SLC60A1: variants seen among roughly 807,000 people sequenced by gnomAD.
SLC60A1 encodes the protein major facilitator superfamily domain containing 4.
At chr1:205,583,137 G>C in the SLC60A1 span, among the ~76,000 whole-genome samples, 1 of 152,126 alleles carries the variant, frequency 6.6e-6, no homozygotes, top group Admixed American at 6.6e-5. Context: ...TGGCAACCAG[G>C]GTGGTGAGAC....
At chr1:205,574,818 G>A in the SLC60A1 span, among the ~76,000 whole-genome samples, 1 of 152,206 alleles carries the variant, frequency 6.6e-6, no homozygotes, top group Admixed American at 6.5e-5. Context: ...CGCCCTGTGT[G>A]CCTAGCACCA....
the SLC60A1 span, among the ~76,000 whole-genome samples, chr1:205,594,647 C>CA: frequency 1.9e-3 from 256 of 132,832 alleles, no homozygotes; most frequent in South Asian, 7.0e-3. Context: ...GACTCTGTCT[C>CA]AAAAAAAAAA....
chr1:205,594,207 C>T, the SLC60A1 span, among the ~76,000 whole-genome samples: 1 of 152,236 alleles, frequency 6.6e-6, no homozygotes, highest in Non-Finnish European at 1.5e-5. Context: ...CACCCAGCTC[C>T]CATGGGCGAG....
chr1:205,592,007 C>T, the SLC60A1 span: 5 of 1,226,564 alleles, frequency 4.1e-6, no homozygotes, highest in South Asian at 1.5e-5. Flanking sequence ...CGGGGTGGCG[C>T]GCGGGTCACA....
the SLC60A1 span, chr1:205,599,761 C>CAG: frequency 6.4e-6 from 1 of 157,224 alleles, no homozygotes; most frequent in South Asian, 1.9e-4. Flanking sequence ...TAAGAATAGT[C>CAG]TCCCTTCTAG....
the SLC60A1 span, chr1:205,599,302 CGGGGAGCG>C: frequency 6.2e-7 from 1 of 1,604,794 alleles, no homozygotes; most frequent in Non-Finnish European, 8.5e-7. Context: ...GAGCCGGGGT[CGGGGAGCG>C]GGGGAGCAGG....
chr1:205,595,751 C>T, the SLC60A1 span, among the ~76,000 whole-genome samples: 162 of 152,334 alleles, frequency 1.1e-3, 1 homozygote, highest in Non-Finnish European at 2.0e-3. Flanking sequence ...AAGCTTTTGA[C>T]TTAGCATCAA....
chr1:205,592,058 G>A, the SLC60A1 span: 1 of 1,570,308 alleles, frequency 6.4e-7, no homozygotes, highest in East Asian at 2.3e-5. Flanking sequence ...GCCAAGCCAG[G>A]AGACGCCGAC....
the SLC60A1 span, among the ~76,000 whole-genome samples, chr1:205,588,107 C>T: frequency 1.3e-5 from 2 of 152,086 alleles, no homozygotes; most frequent in African/African-American, 4.8e-5. Context: ...CCAGCAAGCT[C>T]AGGAAAACAC....
chr1:205,594,498 G>A, the SLC60A1 span, among the ~76,000 whole-genome samples: 7 of 152,096 alleles, frequency 4.6e-5, 1 homozygote, highest in East Asian at 1.4e-3. Context: ...TCTACTAAAA[G>A]TACAAAAATT....
chr1:205,597,494 C>T, the SLC60A1 span: 8,852 of 241,312 alleles, frequency 0.037, 301 homozygotes, highest in African/African-American at 0.1. Flanking sequence ...GCTCGAGGGA[C>T]CCTCCTACCT....
At chr1:205,597,910 G>A in the SLC60A1 span, 1 of 1,535,000 alleles carries the variant, frequency 6.5e-7, no homozygotes, top group South Asian at 1.1e-5. Flanking sequence ...TGACAGGTGA[G>A]AAGATGCAGA....
chr1:205,595,358 C>T, the SLC60A1 span, among the ~76,000 whole-genome samples: 1 of 152,188 alleles, frequency 6.6e-6, no homozygotes, highest in Non-Finnish European at 1.5e-5. Flanking sequence ...CATCTCGCCC[C>T]TTTATCTTCC....
chr1:205,592,551 T>C, the SLC60A1 span, among the ~76,000 whole-genome samples: 14 of 147,952 alleles, frequency 9.5e-5, no homozygotes, highest in South Asian at 2.5e-3. Context: ...ACCCCACAAC[T>C]GTCCCAGGTG....
chr1:205,586,283 C>A, the SLC60A1 span: 1 of 1,540,304 alleles, frequency 6.5e-7, no homozygotes, highest in Non-Finnish European at 8.9e-7. Context: ...TACCCCAGGA[C>A]GTTTGCCCAG....
the SLC60A1 span, among the ~76,000 whole-genome samples, chr1:205,595,921 T>C: frequency 3.3e-5 from 5 of 151,940 alleles, no homozygotes; most frequent in Non-Finnish European, 7.4e-5. Flanking sequence ...GAGGGGGCAG[T>C]GTTGATTTAA....
chr1:205,584,349 G>A, the SLC60A1 span, among the ~76,000 whole-genome samples: 1 of 150,544 alleles, frequency 6.6e-6, no homozygotes, highest in Non-Finnish European at 1.5e-5. Context: ...AGCCTCCCAA[G>A]TTGCGGGGAT....
the SLC60A1 span, chr1:205,584,218 ATTTTTTTTTT>A: frequency 7.6e-6 from 6 of 794,058 alleles, no homozygotes; most frequent in African/African-American, 8.4e-5. Flanking sequence ...ATCACAGGTG[ATTTTTTTTTT>A]TTTTTTTTTT....
At chr1:205,598,983 C>T in the SLC60A1 span, 1 of 1,067,640 alleles carries the variant, frequency 9.4e-7, no homozygotes, top group Non-Finnish European at 1.4e-6. Flanking sequence ...AGGCCAAGGC[C>T]TCCCTCCTCC....
Sources: allele counts gnomAD v4.1 joint callset (sites outside exome capture counted in the v4.1 genomes callset), GRCh38; gene constraint gnomAD v4.1.1; transcripts MANE v1.5; gene names NCBI Gene and HGNC (gene_info 2026-07-23, HGNC 2026-07-21).